Variants in IL18 observed in about 807,000 individuals in gnomAD.
IL18 encodes interleukin 18.
IL18 carries 8 observed loss-of-function variants against 14.2 expected under a neutral mutation model. That is an observed-to-expected ratio of 0.56 (90% CI 0.33 to 1.01). The LOEUF is 1.01. IL18 is among the 50% of genes least tolerant of loss of function. The pLI, the probability that IL18 is intolerant of heterozygous loss-of-function variation, is 0.03. For synonymous variants in IL18, 67 were observed against 71.0 expected (o/e 0.94, Z 0.28); for missense variants, 166 against 231.1 (o/e 0.72, Z 1.83).
chr11:112,149,558 G>GTTTTTTTTTTTTTTTTTTTTTT (rs561459069), intron 4 of IL18, among the ~76,000 whole-genome samples: 1 of 99,376 alleles, frequency 1.0e-5, no homozygotes, highest in Non-Finnish European at 1.9e-5. Context: ...CTTTTCTTAA[G>GTTTTTTTTTTTTTTTTTTTTTT]TTTTTTTTTT....
chr11:112,143,317 G>A lies in IL18; in HGVS notation c.*279C>T. The A allele has an allele frequency of 4.4e-6, 1 of 228,234 alleles. No individual in the cohort carries two copies. Among genetic ancestry groups the A allele is most frequent in the Non-Finnish European group, 8.5e-6 (1 of 118,306 alleles). 14.1% of individuals were successfully genotyped at this position (228,234 alleles called of 1,614,324 possible). ...TTTTTTGAGATGGAGTTTTGCTGTT[G>A]TTGCCCAGGCTAGAGCGCAATGGTG... On this transcript the variant is annotated 3_prime_UTR_variant, in exon 6 of 6. Coordinates refer to ENST00000280357, the MANE Select transcript of IL18 (RefSeq NM_001562.4).
chr11:112,151,166 T>G (rs573456814), intron 3 of IL18: 1 of 152,320 alleles, frequency 6.6e-6, no homozygotes, highest in African/African-American at 2.4e-5. Context: ...AAACAAACAT[T>G]CACCAATTAA....
intron 1 of IL18, among the ~76,000 whole-genome samples, chr11:112,156,915 G>A (rs1866544482): frequency 6.6e-6 from 1 of 151,428 alleles, no homozygotes; most frequent in Non-Finnish European, 1.5e-5. Flanking sequence ...TTTTTTAAAG[G>A]AGGGGATAAG....
intron 3 of IL18, 169 bp downstream of exon 3, chr11:112,153,423 C>CT: frequency 2.2e-6 from 1 of 450,534 alleles, no homozygotes; most frequent in Non-Finnish European, 4.1e-6. Flanking sequence ...CTTTGTATCT[C>CT]TTATGATCAT....
Position 112,143,566 on chromosome 11 carries a change from G to C in IL18, c.*30C>G. On this transcript the variant is annotated 3_prime_UTR_variant, in exon 6 of 6. Transcript: ENST00000280357. ...CAAAGGGCTGGGATTACAGGCGTGA[G>C]CCACTGCGCCCGGCATGAAATTTTA... is the stretch of plus-strand genomic sequence containing the variant. 2.7e-6 allele frequency: 4 copies of C among 1,476,754 alleles called. No homozygotes were observed. The highest frequency in any genetic ancestry group is 2.8e-6 in the Non-Finnish European group (3 of 1,067,856). 91.5% of individuals were successfully genotyped at this position (1,476,754 alleles called of 1,614,324 possible).
intron 1 of IL18, among the ~76,000 whole-genome samples, chr11:112,155,366 T>C (rs1866514399): frequency 6.6e-6 from 1 of 152,200 alleles, no homozygotes. Flanking sequence ...AAATATATTG[T>C]CAATATAAAT....
intron 1 of IL18, among the ~76,000 whole-genome samples, chr11:112,160,595 C>A (rs1362831307): frequency 6.6e-6 from 1 of 151,992 alleles, no homozygotes; most frequent in Admixed American, 6.6e-5. Context: ...AAGAGCTTAC[C>A]ACACAGTAAG....
intron 5 of IL18, 86 bp from the exon 6 acceptor site, chr11:112,143,903 A>G (rs1866290618): frequency 4.7e-6 from 4 of 856,882 alleles, no homozygotes; most frequent in Non-Finnish European, 7.1e-6. Flanking sequence ...ATTACCAAAC[A>G]GAACAAAAGT....
intron 1 of IL18, among the ~76,000 whole-genome samples, chr11:112,161,943 A>T (rs1866639329): frequency 6.6e-6 from 1 of 152,194 alleles, no homozygotes; most frequent in Non-Finnish European, 1.5e-5. Context: ...GGAGCATGCT[A>T]CATAATTAAT....
At chr11:112,151,333 A>G (rs1056681317) in intron 3 of IL18, among the ~76,000 whole-genome samples, 5 of 152,212 alleles carry the variant, frequency 3.3e-5, no homozygotes, top group African/African-American at 9.7e-5. Context: ...TAATAAAAAT[A>G]TAAGCATTTC....
Position 112,153,606 on chromosome 11 carries a change from AAG to A in IL18, c.80-5_80-4del, listed in dbSNP as rs746725699. On this transcript the variant is annotated splice_polypyrimidine_tract_variant and splice_region_variant and intron_variant, in intron 2 of 5. Coordinates refer to ENST00000280357, the MANE Select transcript of IL18 (RefSeq NM_001562.4). ...TTCTACTTTACCATCATCTTCAGCT[AAG>A]AGGGGGAAAAAGAGAGAAACAGAAT... 40 of 1,552,278 alleles carry A rather than the reference AAG, an allele frequency of 2.6e-5. No homozygotes were observed. Among genetic ancestry groups the A allele is most frequent in the South Asian group, 3.5e-5 (3 of 85,070 alleles).
chr11:112,152,039 C>A (rs1866448434), intron 3 of IL18, among the ~76,000 whole-genome samples: 1 of 152,152 alleles, frequency 6.6e-6, no homozygotes, highest in South Asian at 2.1e-4. Context: ...CTATCTCCAG[C>A]CCAAATCTTT....
chr11:112,149,928 T>C (rs2135313231), intron 4 of IL18, 144 bp downstream of exon 4: 1 of 791,270 alleles, frequency 1.3e-6, no homozygotes, highest in African/African-American at 1.7e-5. Flanking sequence ...GTGGATGCCT[T>C]ATAAAGTTTC....
chr11:112,150,165 AT>A lies in IL18; in HGVS notation c.132del (p.Lys44AsnfsTer5). On this transcript the variant is annotated frameshift_variant, in exon 4 of 6. Transcript: ENST00000280357. LOFTEE classifies it high-confidence loss of function. ...ESDYFGKLESKLSVIRNLNDQ... is the reference protein window; with the variant it reads ...ESDYFGKLESXLSVIRNLNDQ... ...TCATTCAAATTTCTTATGACTGATA[AT>A]TTAGATTCAAGCTTGCCAAAGTAAT... is the stretch of plus-strand genomic sequence containing the variant. 1 of 1,595,646 alleles carries A rather than the reference AT, an allele frequency of 6.3e-7. No individual in the cohort carries two copies. Among genetic ancestry groups the A allele is most frequent in the East Asian group, 2.2e-5 (1 of 44,788 alleles).
In IL18 at chr11:112,150,336, A is replaced by C. The variant is rs554557963; in HGVS notation, c.92-130T>G. ...TCTGTTCCAGAAGTAGCTACAATAA[A>C]GTTGCCTATTGTTTTTTAACCTACT... On this transcript the variant is annotated intron_variant, in intron 3 of 5. Coordinates refer to ENST00000280357, the MANE Select transcript of IL18 (RefSeq NM_001562.4). The C allele has an allele frequency of 1.3e-4, 86 of 638,226 alleles. No homozygotes were observed. The African/African-American group carries it at 1.4e-3, about 11-fold the overall frequency. The allele number at this position is 638,226 out of a possible 1,614,324, so 39.5% of individuals were successfully genotyped here. A position where few individuals can be genotyped will look rare whatever the true frequency, so the allele number is the denominator to read the frequency against.
intron 5 of IL18, among the ~76,000 whole-genome samples, chr11:112,146,927 C>CTTTT (rs36051933): frequency 4.0e-5 from 5 of 125,360 alleles, no homozygotes; most frequent in African/African-American, 9.1e-5. Context: ...GGTAATTTTA[C>CTTTT]TTTTTTTTTT....
chr11:112,149,300 T>TCAAA (rs569804667), intron 4 of IL18, among the ~76,000 whole-genome samples: 1 of 150,044 alleles, frequency 6.7e-6, no homozygotes, highest in African/African-American at 2.4e-5. Flanking sequence ...AAACTGCATC[T>TCAAA]CAAACAAACA....
chr11:112,152,578 G>A (rs1432130736), intron 3 of IL18, among the ~76,000 whole-genome samples: 2 of 152,154 alleles, frequency 1.3e-5, no homozygotes, highest in Non-Finnish European at 2.9e-5. Context: ...TTAAATTCTA[G>A]TCAATGGAAT....
At chr11:112,149,873 T>C (rs541113466) in intron 4 of IL18, among the ~76,000 whole-genome samples, 199 bp downstream of exon 4, 2 of 152,254 alleles carry the variant, frequency 1.3e-5, no homozygotes, top group South Asian at 2.1e-4. Context: ...GCATGACCCC[T>C]AGCAATGTCT....
Sources: gnomAD v4.1 joint callset for allele counts (sites outside exome capture counted in the v4.1 genomes callset) on GRCh38, gnomAD v4.1.1 for gene constraint, MANE v1.5 for transcripts, NCBI Gene and HGNC (gene_info 2026-07-23, HGNC 2026-07-21) for gene names.